KCNH1: variants seen among roughly 807,000 people sequenced by gnomAD.
KCNH1 encodes the protein voltage-gated delayed rectifier potassium channel KCNH1.
KCNH1 carries 27 observed loss-of-function variants against 69.2 expected under a neutral mutation model. The observed-to-expected ratio is 0.39, with a 90% CI of 0.29 to 0.54. KCNH1 has a LOEUF of 0.54. Among genes scored for constraint, KCNH1 ranks in the 20% least tolerant of loss-of-function variants. The probability of loss-of-function intolerance (pLI) is 0.68; values close to 1 mark genes in which losing one functional copy is unlikely to be tolerated. For synonymous variants in KCNH1, 456 were observed against 487.7 expected (o/e 0.93, Z 0.86); for missense variants, 798 against 1,261.6 (o/e 0.63, Z 5.57).
intron 7 of KCNH1, chr1:210,862,404 TA>T: frequency 1.7e-6 from 1 of 573,310 alleles, no homozygotes. Context: ...GGTGCAATCT[TA>T]ACTCACTGTA....
chr1:210,775,319 G>A, intron 10 of KCNH1, 29 bp downstream of exon 10: 1 of 1,596,782 alleles, frequency 6.3e-7, no homozygotes. Context: ...ACTGTTCTTT[G>A]TGGAAAATAA....
chr1:210,797,877 C>A lies in KCNH1; in HGVS notation c.1663-117G>T, dbSNP rs1333108401. ...CTACGCCAGACTGCACTCTTCTAAC[C>A]AAAGTCCCTGCGCTTATGGAGCTTA... On this transcript the variant is annotated intron_variant, in intron 8 of 10. Coordinates refer to ENST00000271751, the MANE Select transcript of KCNH1 (RefSeq NM_172362.3). 5 of 1,164,294 alleles carry A rather than the reference C, an allele frequency of 4.3e-6. No individual in the cohort carries two copies. The African/African-American group carries it at 4.6e-5, about 11-fold the overall frequency. The allele number at this position is 1,164,294 out of a possible 1,614,324, so 72.1% of individuals were successfully genotyped here.
At chr1:210,861,020 G>C in intron 7 of KCNH1, 1 of 1,061,284 alleles carries the variant, frequency 9.4e-7, no homozygotes, top group Non-Finnish European at 1.5e-6. Context: ...ATTGGGTTCT[G>C]TAAGAATCTG....
chr1:210,941,579 T>C (rs529974486), intron 6 of KCNH1, among the ~76,000 whole-genome samples: 57 of 152,300 alleles, frequency 3.7e-4, no homozygotes, highest in African/African-American at 1.1e-3. Flanking sequence ...ACCTCACATG[T>C]TGGGCAAACC....
chr1:210,849,365 CTTTTTTT>C (rs150451228), intron 7 of KCNH1, among the ~76,000 whole-genome samples: 2,291 of 128,028 alleles, frequency 0.018, 62 homozygotes, highest in African/African-American at 0.063. Flanking sequence ...TTCTTTCTTT[CTTTTTTT>C]TTTTTTTTTT....
intron 6 of KCNH1, among the ~76,000 whole-genome samples, chr1:211,006,048 C>T (rs1215197367): frequency 6.6e-6 from 1 of 152,074 alleles, no homozygotes; most frequent in Non-Finnish European, 1.5e-5. Flanking sequence ...GAATGAGGAA[C>T]AACTAAAAAC....
At chr1:210,825,442 A>G (rs1685014864) in intron 7 of KCNH1, among the ~76,000 whole-genome samples, 1 of 152,236 alleles carries the variant, frequency 6.6e-6, no homozygotes, top group Non-Finnish European at 1.5e-5. Flanking sequence ...TACAGTGACT[A>G]CTAATACAGT....
intron 9 of KCNH1, among the ~76,000 whole-genome samples, chr1:210,792,184 T>C (rs1684224318): frequency 6.6e-6 from 1 of 152,154 alleles, no homozygotes; most frequent in African/African-American, 2.4e-5. Flanking sequence ...TCCCCTGATA[T>C]CTCTGGACTC....
intron 5 of KCNH1, among the ~76,000 whole-genome samples, chr1:211,068,927 C>T (rs981972549): frequency 1.3e-5 from 2 of 152,184 alleles, no homozygotes; most frequent in Non-Finnish European, 2.9e-5. Context: ...AGGAACCATT[C>T]ATAGGAAGTC....
At chr1:210,871,973 A>T (rs758873488) in intron 7 of KCNH1, among the ~76,000 whole-genome samples, 6 of 151,556 alleles carry the variant, frequency 4.0e-5, no homozygotes, top group Non-Finnish European at 7.4e-5. Flanking sequence ...TAGTGGGTGC[A>T]GCGCACCAGC....
chr1:210,918,761 A>T (rs1328405147), intron 7 of KCNH1: 2 of 152,228 alleles, frequency 1.3e-5, no homozygotes, highest in Non-Finnish European at 2.9e-5. Context: ...CAAGCAAGAC[A>T]TCAAAAATGT....
At chr1:210,767,353 C>T (rs1683657657) in intron 10 of KCNH1, among the ~76,000 whole-genome samples, 1 of 152,208 alleles carries the variant, frequency 6.6e-6, no homozygotes, top group East Asian at 1.9e-4. Context: ...TTAGCGAGAC[C>T]CTGCCAGTAA....
At chr1:210,736,340 G>A (rs1401444396) in intron 10 of KCNH1, among the ~76,000 whole-genome samples, 1 of 152,106 alleles carries the variant, frequency 6.6e-6, no homozygotes, top group Non-Finnish European at 1.5e-5. Context: ...CCTGAGGTCG[G>A]GAGTTCGAGA....
At chr1:210,965,774 G>A (rs1187863312) in intron 6 of KCNH1, among the ~76,000 whole-genome samples, 1 of 152,124 alleles carries the variant, frequency 6.6e-6, no homozygotes, top group African/African-American at 2.4e-5. Context: ...TCATGGATAG[G>A]AAGAATCAGT....
intron 5 of KCNH1, among the ~76,000 whole-genome samples, chr1:211,074,111 A>AAC (rs1483590818): frequency 6.6e-6 from 1 of 150,896 alleles, no homozygotes; most frequent in African/African-American, 2.4e-5. Context: ...AAAAAAAAAA[A>AAC]AAAAAACCTT....
chr1:211,031,264 C>CA (rs1157703365), intron 5 of KCNH1, among the ~76,000 whole-genome samples: 1 of 151,880 alleles, frequency 6.6e-6, no homozygotes, highest in Non-Finnish European at 1.5e-5. Context: ...GCTTATCAAC[C>CA]AAAAAAAGTC....
intron 10 of KCNH1, among the ~76,000 whole-genome samples, chr1:210,701,609 C>T (rs1258033845): frequency 6.6e-6 from 1 of 152,126 alleles, no homozygotes; most frequent in Non-Finnish European, 1.5e-5. Context: ...CCCTTCTTTT[C>T]CCTGAAGTTA....
rs915025870 is a variant in KCNH1 at position 210,775,657 on chromosome 1, G to A, written c.1916-113C>T. 4.0e-5 allele frequency: 28 copies of A among 696,688 alleles called. No individual in the cohort carries two copies. In the African/African-American group the frequency reaches 4.8e-4, roughly 12 times the overall value. 43.2% of individuals were successfully genotyped at this position (696,688 alleles called of 1,614,324 possible). A position where few individuals can be genotyped will look rare whatever the true frequency, so the allele number is the denominator to read the frequency against. On this transcript the variant is annotated intron_variant, in intron 9 of 10. Transcript: ENST00000271751. The stretch of plus-strand genomic sequence containing the variant: ...GTCCTTTCAGCATTCTGCAGATTGG[G>A]CTCAGAGAAGGCAAACACTATTTTA...
At chr1:210,978,760 A>G (rs1294047746) in intron 6 of KCNH1, among the ~76,000 whole-genome samples, 1 of 152,204 alleles carries the variant, frequency 6.6e-6, no homozygotes, top group East Asian at 1.9e-4. Context: ...GTTGGCAGTC[A>G]GTCAATGATT....
Sources: allele counts gnomAD v4.1 joint callset (sites outside exome capture counted in the v4.1 genomes callset), GRCh38; gene constraint gnomAD v4.1.1; transcripts MANE v1.5; gene names NCBI Gene and HGNC (gene_info 2026-07-23, HGNC 2026-07-21).